ZAP70: variants seen among roughly 807,000 people sequenced by gnomAD.
ZAP70 encodes the protein zeta chain of T cell receptor associated protein kinase 70.
In ZAP70, 27 loss-of-function variants were observed where a neutral mutation model predicts 65.8. That is an observed-to-expected ratio of 0.41 (90% CI 0.30 to 0.57). The LOEUF (loss-of-function observed/expected upper bound fraction) is 0.57, where lower values mean the gene tolerates loss of function less well. ZAP70 is among the 20% of genes least tolerant of loss of function. ZAP70 has a pLI of 0.28. For missense variants in ZAP70, 696 were observed against 870.5 expected, an observed-to-expected ratio of 0.80 and a Z score of 2.52; for synonymous variants, 363 against 360.8, an observed-to-expected ratio of 1.01 and a Z score of -0.07.
chr2:97,746,862 C>T, the ZAP70 span, among the ~76,000 whole-genome samples: 2 of 152,056 alleles, frequency 1.3e-5, no homozygotes, highest in African/African-American at 2.4e-5. Flanking sequence ...ATATAAAGAC[C>T]TTTGTATAAA....
chr2:97,743,430 G>A (rs187376691), downstream of ZAP70, among the ~76,000 whole-genome samples: 11 of 152,308 alleles, frequency 7.2e-5, no homozygotes, highest in African/African-American at 2.4e-4. Flanking sequence ...CCACGTTCCG[G>A]GTTCAAGCGA....
rs200537559 is a variant in ZAP70, at chr2:97,734,730, G to T, written c.1082+18G>T. On this transcript the variant is annotated intron_variant, in intron 9 of 13. Coordinates refer to ENST00000264972, the MANE Select transcript of ZAP70 (RefSeq NM_001079.4). ...ATGCGCAAGTATGGCCGCCCCTGCC[G>T]TGGTGGGAGCACCGCCGCCTGGGGC... The T allele has an allele frequency of 6.2e-6, 10 of 1,612,618 alleles. No individual in the cohort carries two copies. Among genetic ancestry groups the T allele is most frequent in the Admixed American group, 1.7e-5 (1 of 60,026 alleles).
At chr2:97,718,703 C>T (rs1232567821) in intron 2 of ZAP70, among the ~76,000 whole-genome samples, 3 of 152,212 alleles carry the variant, frequency 2.0e-5, no homozygotes, top group Non-Finnish European at 4.4e-5. Flanking sequence ...CCCTAACCCA[C>T]TTCTAGCTAC....
chr2:97,740,018 C>CA (rs1678082866), downstream of ZAP70, among the ~76,000 whole-genome samples: 1 of 152,144 alleles, frequency 6.6e-6, no homozygotes, highest in African/African-American at 2.4e-5. Context: ...GGGACACCTT[C>CA]ATGTGAGTGA....
At chr2:97,719,970 G>A (rs6736735) in intron 2 of ZAP70, among the ~76,000 whole-genome samples, 67,469 of 151,956 alleles carry the variant, frequency 0.44, 16,772 homozygotes, top group African/African-American at 0.66. Flanking sequence ...CTTTCATCCA[G>A]CCTGAGGCCT....
intron 8 of ZAP70, chr2:97,734,216 C>T (rs1677744354): frequency 1.2e-5 from 7 of 581,790 alleles, no homozygotes; most frequent in South Asian, 2.7e-5. Flanking sequence ...CGGCCATAGG[C>T]GTACACGTAC....
At chr2:97,750,932 C>T in the ZAP70 span, among the ~76,000 whole-genome samples, 1 of 152,336 alleles carries the variant, frequency 6.6e-6, no homozygotes, top group African/African-American at 2.4e-5. Context: ...TTTGAACTCT[C>T]TCTCTAGTCG....
intron 4 of ZAP70, 188 bp from the exon 5 acceptor site, chr2:97,732,693 CCT>C (rs1169767343): frequency 1.3e-6 from 1 of 765,478 alleles, no homozygotes; most frequent in African/African-American, 1.7e-5. Context: ...CCTCCACCGC[CCT>C]CTGCCACTTG....
At chr2:97,738,332 C>T (rs940637016) in intron 13 of ZAP70, 1 of 595,594 alleles carries the variant, frequency 1.7e-6, no homozygotes. Flanking sequence ...ACCTGTGGGC[C>T]TGTGCCTCAG....
intron 2 of ZAP70, among the ~76,000 whole-genome samples, chr2:97,721,874 C>T (rs1030100489): frequency 2.0e-5 from 3 of 151,300 alleles, no homozygotes; most frequent in Admixed American, 1.3e-4. Context: ...GCAACCTCCG[C>T]CTCCCAGGTT....
Position 97,715,916 on chromosome 2 carries a change from T to C in ZAP70, c.-22+1922T>C, listed in dbSNP as rs758131950. ...TGTGGGGAGGAAGCAGGAGCTTCCA[T>C]AGAAAACAAGACAGAGCCGTGGGCC... On this transcript the variant is annotated intron_variant, in intron 2 of 13. Coordinates refer to ENST00000264972, the MANE Select transcript of ZAP70 (RefSeq NM_001079.4). The surrounding 1 kb of genome is among the most constrained non-coding windows in gnomAD (Gnocchi z 4.1). Among the ~76,000 whole-genome samples, 5 of 152,090 alleles carry C rather than the reference T, an allele frequency of 3.3e-5. No individual in the cohort carries two copies. The highest frequency in any genetic ancestry group is 7.4e-5 in the Non-Finnish European group (5 of 68,006).
At position 97,736,265 on chromosome 2, in the gene ZAP70, T is replaced by G. The variant is rs917334189; in HGVS notation, c.1289+809T>G. Among the ~76,000 whole-genome samples the G allele has an allele frequency of 6.6e-6, 1 of 152,294 alleles. No homozygotes were observed. The highest frequency in any genetic ancestry group is 3.4e-3 in the Middle Eastern group (1 of 294). On this transcript the variant is annotated intron_variant, in intron 10 of 13. Coordinates refer to ENST00000264972, the MANE Select transcript of ZAP70 (RefSeq NM_001079.4). This position sits in a 1 kb window ranked among gnomAD's most constrained non-coding sequence, Gnocchi z 4.0. ...GCTAAAATCCTTACTATCCGGCCCT[T>G]TACTGAAAAGTTTTGCAGTTTCATT...
rs1387800781 is a variant in ZAP70, at chr2:97,733,022, G to A, written c.702+1G>A. On this transcript the variant is annotated splice_donor_variant, in intron 5 of 13. Transcript: ENST00000264972. LOFTEE classifies it high-confidence loss of function. The stretch of plus-strand genomic sequence containing the variant: ...CACCAAGTTTGACACGCTCTGGCAG[G>A]TAGGCTGCCCGTGCAACTTGTTCTG... The A allele has an allele frequency of 6.2e-7, 1 of 1,614,010 alleles. No individual in the cohort carries two copies. The highest frequency in any genetic ancestry group is 8.5e-7 in the Non-Finnish European group (1 of 1,180,052).
At chr2:97,734,140 T>C (rs759213974) in intron 8 of ZAP70, 55 of 304,150 alleles carry the variant, frequency 1.8e-4, no homozygotes, top group Non-Finnish European at 1.4e-4. Context: ...CATGTGCACC[T>C]AGAGGCTCGC....
In ZAP70 at chr2:97,739,821, T is replaced by G. The variant is rs968587463; in HGVS notation, c.*323T>G. On this transcript the variant is annotated 3_prime_UTR_variant, in exon 14 of 14. Coordinates refer to ENST00000264972, the MANE Select transcript of ZAP70 (RefSeq NM_001079.4). ...TTGGAGCCTGGGCATCCTCAGGTGG[T>G]CAGGCGTAGATCACCAGAATAAACC... 5 of 423,042 alleles carry G rather than the reference T, an allele frequency of 1.2e-5. No homozygotes were observed. Among genetic ancestry groups the G allele is most frequent in the African/African-American group, 1.0e-4 (5 of 50,250 alleles). 26.2% of individuals were successfully genotyped at this position (423,042 alleles called of 1,614,324 possible). A position where few individuals can be genotyped will look rare whatever the true frequency, so the allele number is the denominator to read the frequency against.
chr2:97,731,262 C>T lies in ZAP70; in HGVS notation c.564-1621C>T, dbSNP rs1406432256. 6.6e-6 allele frequency among the ~76,000 whole-genome samples: 1 copy of T among 152,122 alleles called. No homozygotes were observed. The highest frequency in any genetic ancestry group is 2.4e-5 in the African/African-American group (1 of 41,438). On this transcript the variant is annotated intron_variant, in intron 4 of 13. Transcript: ENST00000264972. The surrounding 1 kb of genome is among the most constrained non-coding windows in gnomAD (Gnocchi z 4.0). ...CTCTGACTTCCACAGCTCTGAGACC[C>T]CCAGGGCCAATAGCCCTCCCTCCTC...
chr2:97,732,946 C>A lies in ZAP70; in HGVS notation c.627C>A (p.Tyr209Ter). The A allele has an allele frequency of 2.5e-6, 4 of 1,614,102 alleles. No individual in the cohort carries two copies. The highest frequency in any genetic ancestry group is 3.4e-6 in the Non-Finnish European group (4 of 1,180,040). ...CCCTCATCTATGGGAAGACGGTGTA[C>A]CACTACCTCATCAGCCAAGACAAGG... ...ALSLIYGKTV[Y>*]HYLISQDKAG... Residue 209 changes from tyrosine (Y) to a stop codon, truncating the protein, a stop_gained, in exon 5 of 14, where the codon TAC becomes TAA. Transcript: ENST00000264972. LOFTEE classifies it high-confidence loss of function.
intron 2 of ZAP70, among the ~76,000 whole-genome samples, chr2:97,723,388 C>CT (rs574631320): frequency 2.6e-5 from 4 of 152,380 alleles, no homozygotes; most frequent in Admixed American, 2.6e-4. Context: ...CTCAGGGCCT[C>CT]TGCGCATGCA....
At chr2:97,723,108 C>T (rs1183783144) in intron 2 of ZAP70, among the ~76,000 whole-genome samples, 1 of 152,228 alleles carries the variant, frequency 6.6e-6, no homozygotes, top group Admixed American at 6.5e-5. Context: ...ACCAGATATC[C>T]ATCTGTCTAA....
Sources: allele counts gnomAD v4.1 joint callset (sites outside exome capture counted in the v4.1 genomes callset), GRCh38; gene constraint gnomAD v4.1.1; non-coding constraint Gnocchi (gnomAD v3.1); transcripts MANE v1.5; gene names NCBI Gene and HGNC (gene_info 2026-07-23, HGNC 2026-07-21).